Variants in ENPP6 observed in about 807,000 individuals in gnomAD.
ENPP6 encodes glycerophosphocholine cholinephosphodiesterase ENPP6.
A neutral mutation model predicts 42.0 loss-of-function variants in ENPP6; 32 were observed. That is an observed-to-expected ratio of 0.76 (90% CI 0.58 to 1.02). The LOEUF is 1.02. Among genes scored for constraint, ENPP6 ranks in the 50% least tolerant of loss-of-function variants. The pLI is 0.00. For missense variants in ENPP6, 552 were observed against 566.8 expected, an observed-to-expected ratio of 0.97 and a Z score of 0.27; for synonymous variants, 213 against 216.0, an observed-to-expected ratio of 0.99 and a Z score of 0.12.
intron 6 of ENPP6, among the ~76,000 whole-genome samples, chr4:184,104,031 A>G (rs1235333183): frequency 7.2e-6 from 1 of 138,906 alleles, no homozygotes; most frequent in Non-Finnish European, 1.6e-5. Flanking sequence ...TCTTTTTTTG[A>G]ATCACGTTGA....
Position 184,164,477 on chromosome 4 carries a change from A to C in ENPP6, c.242-10744T>G, listed in dbSNP as rs550801943. Reference sequence around the variant, plus strand: ...TTTCTGGTGTCCTTATAAAAACGGGAAATGTGGACAGAGAGACTGACCTGC... The same window carrying C: ...TTTCTGGTGTCCTTATAAAAACGGGCAATGTGGACAGAGAGACTGACCTGC... On this transcript the variant is annotated intron_variant, in intron 1 of 7. Transcript: ENST00000296741. 7.3e-4 allele frequency among the ~76,000 whole-genome samples: 111 copies of C among 152,274 alleles called. 1 individual carries two copies. Among genetic ancestry groups the C allele is most frequent in the African/African-American group, 2.5e-3 (104 of 41,552 alleles).
At chr4:184,125,066 G>C (rs1736480900) in intron 2 of ENPP6, among the ~76,000 whole-genome samples, 1 of 152,238 alleles carries the variant, frequency 6.6e-6, no homozygotes, top group South Asian at 2.1e-4. Context: ...GGAAACAGGA[G>C]TGGATCTGGT....
chr4:184,093,640 AAATAATAAT>A (rs370411138), intron 7 of ENPP6, among the ~76,000 whole-genome samples: 3,014 of 132,432 alleles, frequency 0.023, 92 homozygotes, highest in African/African-American at 0.078. Context: ...CTCTGTCTCA[AAATAATAAT>A]AATAATAATA....
intron 1 of ENPP6, among the ~76,000 whole-genome samples, chr4:184,194,014 C>T (rs200043409): frequency 2.1e-4 from 32 of 152,144 alleles, no homozygotes; most frequent in Non-Finnish European, 4.1e-4. Context: ...TTGCCACGGT[C>T]CCTGATAGCT....
At chr4:184,136,135 C>A (rs547204901) in intron 2 of ENPP6, among the ~76,000 whole-genome samples, 1 of 151,428 alleles carries the variant, frequency 6.6e-6, no homozygotes, top group African/African-American at 2.4e-5. Flanking sequence ...TTTGATTAAC[C>A]TCTTCCTTGC....
chr4:184,185,291 A>G (rs1286133195), intron 1 of ENPP6, among the ~76,000 whole-genome samples: 2 of 152,116 alleles, frequency 1.3e-5, no homozygotes, highest in Non-Finnish European at 2.9e-5. Context: ...AAGCATCCTG[A>G]TTTGCATAGG....
chr4:184,198,714 C>A (rs1176150471), intron 1 of ENPP6, among the ~76,000 whole-genome samples: 3 of 152,196 alleles, frequency 2.0e-5, no homozygotes, highest in African/African-American at 7.2e-5. Flanking sequence ...CAATATTGAA[C>A]AAAATGTCTG....
intron 6 of ENPP6, among the ~76,000 whole-genome samples, chr4:184,110,340 G>T (rs1372632183): frequency 1.3e-5 from 2 of 152,184 alleles, no homozygotes; most frequent in East Asian, 3.8e-4. Flanking sequence ...CTAGTCAGCT[G>T]ATTGATGAGA....
At chr4:184,095,670 A>G (rs201072017) in intron 7 of ENPP6, among the ~76,000 whole-genome samples, 250 of 148,830 alleles carry the variant, frequency 1.7e-3, no homozygotes, top group Non-Finnish European at 2.8e-3. Flanking sequence ...AAAAAAATAT[A>G]TCTATATATA....
intron 2 of ENPP6, among the ~76,000 whole-genome samples, chr4:184,132,614 A>G (rs1736656496): frequency 6.6e-6 from 1 of 152,002 alleles, no homozygotes; most frequent in East Asian, 1.9e-4. Context: ...AAAGTCATGA[A>G]GATATTCACC....
chr4:184,176,794 T>C (rs933978618), intron 1 of ENPP6, among the ~76,000 whole-genome samples: 2 of 152,196 alleles, frequency 1.3e-5, no homozygotes, highest in Non-Finnish European at 2.9e-5. Context: ...CAGCAAGTCA[T>C]CTTGCAGCCC....
At chr4:184,176,514 C>T (rs1209003587) in intron 1 of ENPP6, among the ~76,000 whole-genome samples, 2 of 151,952 alleles carry the variant, frequency 1.3e-5, no homozygotes, top group Non-Finnish European at 1.5e-5. Flanking sequence ...AGCAGTGTGC[C>T]GTATTGCATC....
chr4:184,159,421 C>A (rs1737226590), intron 1 of ENPP6, among the ~76,000 whole-genome samples: 2 of 152,204 alleles, frequency 1.3e-5, no homozygotes, highest in African/African-American at 4.8e-5. Context: ...AAGCAGCAGC[C>A]AATCACCAGC....
chr4:184,154,747 G>T (rs897053176), intron 1 of ENPP6, among the ~76,000 whole-genome samples: 4 of 152,162 alleles, frequency 2.6e-5, no homozygotes, highest in Non-Finnish European at 5.9e-5. Flanking sequence ...TGCTCCCAGA[G>T]ATCCCAGCAA....
At chr4:184,134,879 C>A (rs762287258) in intron 2 of ENPP6, among the ~76,000 whole-genome samples, 1 of 150,958 alleles carries the variant, frequency 6.6e-6, no homozygotes, top group Non-Finnish European at 1.5e-5. Context: ...TAGCTGCATT[C>A]GTCTTATGCC....
At chr4:184,094,535 T>C (rs1026951216) in intron 7 of ENPP6, among the ~76,000 whole-genome samples, 2 of 152,222 alleles carry the variant, frequency 1.3e-5, no homozygotes, top group African/African-American at 2.4e-5. Context: ...TTTTAGAAAA[T>C]TCCTGAAGAG....
intron 1 of ENPP6, among the ~76,000 whole-genome samples, chr4:184,195,428 G>C (rs998580891): frequency 9.9e-5 from 15 of 152,150 alleles, no homozygotes; most frequent in African/African-American, 3.4e-4. Flanking sequence ...ATGGTCTCCA[G>C]CTTCATCCAT....
intron 1 of ENPP6, among the ~76,000 whole-genome samples, chr4:184,206,875 C>G (rs1733009220): frequency 1.3e-5 from 2 of 152,226 alleles, no homozygotes; most frequent in African/African-American, 4.8e-5. Context: ...CTCGCTGCTT[C>G]CCGGACTGTC....
At chr4:184,177,047 G>A (rs966820604) in intron 1 of ENPP6, among the ~76,000 whole-genome samples, 1 of 152,190 alleles carries the variant, frequency 6.6e-6, no homozygotes, top group Admixed American at 6.5e-5. Flanking sequence ...CCAGGGCCTT[G>A]GGTCCCAAGC....
Sources: allele counts gnomAD v4.1 joint callset (sites outside exome capture counted in the v4.1 genomes callset), GRCh38; gene constraint gnomAD v4.1.1; transcripts MANE v1.5; gene names NCBI Gene and HGNC (gene_info 2026-07-23, HGNC 2026-07-21).